MECOM: variants seen among roughly 807,000 people sequenced by gnomAD.
MECOM encodes MDS1 and EVI1 complex locus, also known as histone-lysine N-methyltransferase MECOM.
Under a neutral mutation model 116.3 loss-of-function variants are expected in MECOM, and 13 were observed. The ratio of observed to expected loss-of-function variants is 0.11; its 90% CI spans 0.07 to 0.18. The LOEUF (loss-of-function observed/expected upper bound fraction) is 0.18. Ranked by LOEUF, MECOM falls within the 10% of genes least tolerant of loss-of-function variation. MECOM has a pLI of 1.00. For missense variants in MECOM, 1,299 were observed against 1,509.0 expected (o/e 0.86, Z 2.31); for synonymous variants, 528 against 535.2 (o/e 0.99, Z 0.19).
intron 1 of MECOM, among the ~76,000 whole-genome samples, chr3:169,650,542 G>A (rs1241843212): frequency 6.6e-6 from 1 of 152,050 alleles, no homozygotes; most frequent in Non-Finnish European, 1.5e-5. Flanking sequence ...TATAAGACCT[G>A]GAATAATCCT....
At chr3:169,264,505 T>C (rs1389592482) in intron 2 of MECOM, among the ~76,000 whole-genome samples, 1 of 152,182 alleles carries the variant, frequency 6.6e-6, no homozygotes, top group Non-Finnish European at 1.5e-5. Flanking sequence ...AGTGCAGATA[T>C]TGCATTTCTG....
intron 1 of MECOM, among the ~76,000 whole-genome samples, chr3:169,587,603 ATTT>A (rs1765923178): frequency 6.6e-6 from 1 of 152,106 alleles, no homozygotes; most frequent in Non-Finnish European, 1.5e-5. Flanking sequence ...GTTGGATCTA[ATTT>A]TTTACGTTTT....
Position 169,501,497 on chromosome 3 carries a change from G to A in MECOM, c.38-119973C>T, listed in dbSNP as rs796303461. On this transcript the variant is annotated intron_variant, in intron 1 of 16. Coordinates refer to ENST00000651503, the MANE Select transcript of MECOM (RefSeq NM_004991.4). ...AAGAAAACCAGAAAAACCTCTTATT[G>A]GAGGCCACGTTTTTAACCCAGCTCT... Among the ~76,000 whole-genome samples, 106 of 151,970 alleles carry A rather than the reference G, an allele frequency of 7.0e-4. 1 individual carries two copies. The highest frequency in any genetic ancestry group is 2.4e-3 in the African/African-American group (101 of 41,494).
At chr3:169,088,251 C>T (rs1226578892) in intron 16 of MECOM, among the ~76,000 whole-genome samples, 1 of 152,018 alleles carries the variant, frequency 6.6e-6, no homozygotes, top group African/African-American at 2.4e-5. Flanking sequence ...ATGAACAATC[C>T]GGTTGAGTGT....
chr3:169,496,871 C>T (rs1753876837), intron 1 of MECOM, among the ~76,000 whole-genome samples: 1 of 152,144 alleles, frequency 6.6e-6, no homozygotes, highest in Non-Finnish European at 1.5e-5. Context: ...TTACAGGTAG[C>T]TGTGATGGCT....
chr3:169,634,276 G>C (rs186959236), intron 1 of MECOM, among the ~76,000 whole-genome samples: 21 of 151,318 alleles, frequency 1.4e-4, no homozygotes, highest in Non-Finnish European at 2.2e-4. Flanking sequence ...ACACCTCTTT[G>C]CTGGCAACAA....
In MECOM at chr3:169,112,882, G is replaced by A; in HGVS notation, c.2490-8C>T. ...AGTTTTCTTTTCTCTACTCTGAAAG[G>A]TTAAAATTAGATTTTGGAGATGAAG... On this transcript the variant is annotated splice_polypyrimidine_tract_variant and splice_region_variant and intron_variant, in intron 8 of 16. Coordinates refer to ENST00000651503, the MANE Select transcript of MECOM (RefSeq NM_004991.4). 6.3e-7 allele frequency: 1 copy of A among 1,599,206 alleles called. No homozygotes were observed. Among genetic ancestry groups the A allele is most frequent in the South Asian group, 1.1e-5 (1 of 90,198 alleles).
At chr3:169,448,729 A>G (rs990375441) in intron 1 of MECOM, among the ~76,000 whole-genome samples, 2 of 152,190 alleles carry the variant, frequency 1.3e-5, no homozygotes, top group African/African-American at 4.8e-5. Context: ...CATAATTCCA[A>G]TGAAGCATTC....
intron 2 of MECOM, among the ~76,000 whole-genome samples, chr3:169,228,257 G>T (rs1402656828): frequency 6.6e-6 from 1 of 152,096 alleles, no homozygotes; most frequent in Admixed American, 6.6e-5. Flanking sequence ...CATATTCCGG[G>T]CAATACTATA....
chr3:169,176,837 T>C (rs917677972), intron 2 of MECOM, among the ~76,000 whole-genome samples: 1 of 152,040 alleles, frequency 6.6e-6, no homozygotes, highest in African/African-American at 2.4e-5. Flanking sequence ...AAATAAGACA[T>C]TTATGGGGCC....
At chr3:169,369,976 T>C (rs1169451251) in intron 2 of MECOM, among the ~76,000 whole-genome samples, 2 of 151,980 alleles carry the variant, frequency 1.3e-5, no homozygotes, top group Non-Finnish European at 2.9e-5. Flanking sequence ...CCATTAAGAC[T>C]TCACTTCTTA....
chr3:169,438,942 C>T (rs1393811903), intron 1 of MECOM, among the ~76,000 whole-genome samples: 1 of 151,950 alleles, frequency 6.6e-6, no homozygotes, highest in African/African-American at 2.4e-5. Flanking sequence ...AAAACAATCT[C>T]AAGCAAGACC....
intron 2 of MECOM, among the ~76,000 whole-genome samples, chr3:169,273,730 T>G (rs1163371892): frequency 6.6e-6 from 1 of 152,244 alleles, no homozygotes; most frequent in East Asian, 1.9e-4. Context: ...TTGCTCATCC[T>G]AATCACATTC....
At chr3:169,607,262 G>A (rs1283609234) in intron 1 of MECOM, among the ~76,000 whole-genome samples, 5 of 152,162 alleles carry the variant, frequency 3.3e-5, no homozygotes, top group Non-Finnish European at 7.3e-5. Flanking sequence ...ACCACGCTAT[G>A]TACAGTGTGC....
At position 169,107,148 on chromosome 3, in the gene MECOM, T is replaced by A. The variant is rs545727790; in HGVS notation, c.2604+778A>T. 2.8e-3 allele frequency among the ~76,000 whole-genome samples: 431 copies of A among 152,276 alleles called. 1 individual carries two copies. Among genetic ancestry groups the A allele is most frequent in the African/African-American group, 9.4e-3 (392 of 41,588 alleles). On this transcript the variant is annotated intron_variant, in intron 10 of 16. Coordinates refer to ENST00000651503, the MANE Select transcript of MECOM (RefSeq NM_004991.4). ...AAACTATATCCCAAGATTTTGCTCATTCATCAGAAATCAGCATAATTTTCA... is the reference window on the plus strand; with the variant it reads ...AAACTATATCCCAAGATTTTGCTCAATCATCAGAAATCAGCATAATTTTCA...
chr3:169,463,952 G>C (rs1161205296), intron 1 of MECOM: 7 of 151,980 alleles, frequency 4.6e-5, no homozygotes, highest in Non-Finnish European at 7.4e-5. Context: ...AGGGATATGT[G>C]CCCTTGACTA....
At chr3:169,186,693 CTA>C (rs907210845) in intron 2 of MECOM, among the ~76,000 whole-genome samples, 1 of 152,014 alleles carries the variant, frequency 6.6e-6, no homozygotes, top group African/African-American at 2.4e-5. Context: ...CCTCAAATGA[CTA>C]TGTTAAAAAT....
intron 2 of MECOM, among the ~76,000 whole-genome samples, chr3:169,367,039 C>A (rs756644): frequency 0.46 from 70,480 of 151,930 alleles, 16,772 homozygotes; most frequent in Admixed American, 0.58. Context: ...AGTCTTCTTG[C>A]ATCAACTCTT....
chr3:169,619,921 C>G (rs920662466), intron 1 of MECOM, among the ~76,000 whole-genome samples: 2 of 152,214 alleles, frequency 1.3e-5, no homozygotes, highest in Non-Finnish European at 2.9e-5. Flanking sequence ...CTGGTGTCCC[C>G]CTGCGGAACC....
Sources: gnomAD v4.1 joint callset for allele counts (sites outside exome capture counted in the v4.1 genomes callset) on GRCh38, gnomAD v4.1.1 for gene constraint, MANE v1.5 for transcripts, NCBI Gene and HGNC (gene_info 2026-07-23, HGNC 2026-07-21) for gene names.